The following FMO5 variants were observed in gnomAD, a reference collection of about 807,000 sequenced individuals.
The protein encoded by FMO5 is flavin-containing monooxygenase 5.
Under a neutral mutation model 43.6 loss-of-function variants are expected in FMO5, and 51 were observed. The ratio of observed to expected loss-of-function variants is 1.17; its 90% CI spans 0.93 to 1.48. The LOEUF is 1.48. FMO5 is among the 40% of genes most tolerant of loss of function. FMO5 has a pLI of 0.00. For synonymous variants in FMO5, 187 were observed against 216.5 expected (o/e 0.86, Z 1.20); for missense variants, 644 against 643.0 (o/e 1.00, Z -0.02).
Position 147,215,855 on chromosome 1 carries a change from T to C in FMO5, c.223A>G (p.Ile75Val). Residue 75 changes from isoleucine to valine, a missense_variant, in exon 3 of 9, where the codon ATC (isoleucine) becomes GTC (valine). Coordinates refer to ENST00000254090, the MANE Select transcript of FMO5 (RefSeq NM_001461.4). Reference sequence around the variant, plus strand: ...ATGAAGTTGGGATAATGATCTGGGATTGGATAGTCACTGAAGCACATCATC... The same window carrying C: ...ATGAAGTTGGGATAATGATCTGGGACTGGATAGTCACTGAAGCACATCATC... ...KEMMCFSDYP[I>V]PDHYPNFMHN... is the part of the protein sequence containing the mutation. 1.9e-6 allele frequency: 3 copies of C among 1,613,606 alleles called. No homozygotes were observed. The highest frequency in any genetic ancestry group is 2.5e-6 in the Non-Finnish European group (3 of 1,179,510).
chr1:147,219,439 A>G (rs1412059473), intron 2 of FMO5, among the ~76,000 whole-genome samples: 1 of 152,140 alleles, frequency 6.6e-6, no homozygotes, highest in Non-Finnish European at 1.5e-5. Flanking sequence ...ACACCCATTC[A>G]TGATGAAAAC....
chr1:147,212,706 A>G (rs1661282021), intron 4 of FMO5, among the ~76,000 whole-genome samples, 171 bp from the exon 5 acceptor site: 1 of 152,060 alleles, frequency 6.6e-6, no homozygotes, highest in Non-Finnish European at 1.5e-5. Flanking sequence ...TTCTTTTCCC[A>G]TAGCCTCAGA....
chr1:147,184,652 G>A (rs587772073), downstream of FMO5: 5 of 1,504,710 alleles, frequency 3.3e-6, no homozygotes, highest in Admixed American at 1.2e-4. This position sits in a 1 kb window ranked among gnomAD's most constrained non-coding sequence, Gnocchi z 4.4. Context: ...TTTTTGAGAG[G>A]AATACAACAG....
At chr1:147,194,064 T>C (rs1222894628) in intron 7 of FMO5, among the ~76,000 whole-genome samples, 1 of 152,166 alleles carries the variant, frequency 6.6e-6, no homozygotes, top group Non-Finnish European at 1.5e-5. Context: ...GGTATCCTTG[T>C]TAACCTTCTG....
intron 6 of FMO5, chr1:147,204,211 C>T: frequency 1.4e-6 from 2 of 1,385,372 alleles, no homozygotes; most frequent in Admixed American, 3.3e-5. Context: ...GACAAGAGTA[C>T]ACTGCTATTT....
At chr1:147,190,152 A>G (rs781863966) in intron 8 of FMO5, 25 bp downstream of exon 8, 9 of 1,473,048 alleles carry the variant, frequency 6.1e-6, no homozygotes, top group South Asian at 5.8e-5. Context: ...ATGTAACCAT[A>G]TATCTTCCTG....
At chr1:147,224,295 T>A in intron 2 of FMO5, 1 of 179,870 alleles carries the variant, frequency 5.6e-6, no homozygotes, top group East Asian at 1.5e-4. Flanking sequence ...AATCTGTGGG[T>A]TTGAATCACC....
rs144905896 is a variant in FMO5 at position 147,218,275 on chromosome 1, C to T, written c.136-2333G>A. On this transcript the variant is annotated intron_variant, in intron 2 of 8. Transcript: ENST00000254090. Reference sequence around the variant, plus strand: ...TTTTTGAGATGGAGTCTCACTCTGTCGCCAGGCTGGAGTGCAGTAGCACGA... The same window carrying T: ...TTTTTGAGATGGAGTCTCACTCTGTTGCCAGGCTGGAGTGCAGTAGCACGA... Among the ~76,000 whole-genome samples, 485 of 148,360 alleles carry T rather than the reference C, an allele frequency of 3.3e-3. 4 individuals carry two copies. Among genetic ancestry groups the T allele is most frequent in the African/African-American group, 0.011 (459 of 40,218 alleles).
chr1:147,219,451 C>T (rs1553925797), intron 2 of FMO5, among the ~76,000 whole-genome samples: 1 of 151,980 alleles, frequency 6.6e-6, no homozygotes, highest in African/African-American at 2.4e-5. Flanking sequence ...GATGAAAACT[C>T]TCAGCAAACT....
rs142335408 is a variant in FMO5, at chr1:147,201,380, T to C, written c.955A>G (p.Arg319Gly). 1.3e-3 allele frequency: 2,159 copies of C among 1,614,152 alleles called. 1 individual carries two copies. The highest frequency in any genetic ancestry group is 1.7e-3 in the Non-Finnish European group (2,004 of 1,179,964). Residue 319 changes from arginine to glycine, a missense_variant, in exon 7 of 9, where the codon AGG becomes GGG. Physicochemically the swap from Arg to Gly is moderately radical, Grantham distance 125. Coordinates refer to ENST00000254090, the MANE Select transcript of FMO5 (RefSeq NM_001461.4). ...ETAAIFEDGS[R>G]EDDIDAVIFA... ...ATAACAGCATCAATGTCATCCTCCC[T>C]GGAGCCATCCTCAAATATGGCAGCT...
In FMO5 at chr1:147,213,615, C is replaced by T. The variant is rs998491190; in HGVS notation, c.325-145G>A. The T allele has an allele frequency of 1.2e-5, 8 of 646,110 alleles. No homozygotes were observed. In the South Asian group the frequency reaches 2.6e-4, roughly 21 times the overall value. 40.0% of individuals were successfully genotyped at this position (646,110 alleles called of 1,614,324 possible). A position where few individuals can be genotyped will look rare whatever the true frequency, so the allele number is the denominator to read the frequency against. On this transcript the variant is annotated intron_variant, in intron 3 of 8. Transcript: ENST00000254090. ...GATTTTCATACTCCACAAATAAGAACTGTTTGGGGCTGTAGTCAGAATGAG... is the reference window on the plus strand; with the variant it reads ...GATTTTCATACTCCACAAATAAGAATTGTTTGGGGCTGTAGTCAGAATGAG...
At chr1:147,199,522 A>G (rs1293815897) in intron 7 of FMO5, among the ~76,000 whole-genome samples, 2 of 152,194 alleles carry the variant, frequency 1.3e-5, no homozygotes, top group East Asian at 3.8e-4. Flanking sequence ...ACCATAATGC[A>G]GACTCTTGCA....
At chr1:147,194,367 T>A (rs1657535764) in intron 7 of FMO5, among the ~76,000 whole-genome samples, 1 of 152,188 alleles carries the variant, frequency 6.6e-6, no homozygotes, top group South Asian at 2.1e-4. Flanking sequence ...TTGGTAGATC[T>A]TCCTCCATCC....
At chr1:147,193,577 T>C (rs1657330527) in intron 7 of FMO5, among the ~76,000 whole-genome samples, 1 of 152,154 alleles carries the variant, frequency 6.6e-6, no homozygotes, top group South Asian at 2.1e-4. Context: ...CTTGCTTTTC[T>C]AGTTCTTTTA....
chr1:147,219,611 T>C (rs1351735794), intron 2 of FMO5, among the ~76,000 whole-genome samples: 2 of 151,994 alleles, frequency 1.3e-5, no homozygotes, highest in African/African-American at 4.8e-5. Context: ...CTATGGAACA[T>C]TGCACTAGAA....
chr1:147,206,476 C>A (rs587709681), intron 6 of FMO5, among the ~76,000 whole-genome samples: 16 of 152,224 alleles, frequency 1.1e-4, no homozygotes, highest in African/African-American at 3.6e-4. Flanking sequence ...ATGTTTATTG[C>A]GGCACTATTC....
intron 2 of FMO5, among the ~76,000 whole-genome samples, chr1:147,220,326 T>A (rs587674561): frequency 6.6e-6 from 1 of 152,330 alleles, no homozygotes; most frequent in African/African-American, 2.4e-5. Context: ...GATATTCTGA[T>A]TCATAGACTA....
rs916036504 is a variant in FMO5, at chr1:147,187,049, G to C, written c.1453C>G (p.Arg485Gly). ...VQGPGKWDGA[R>G]KAILTTDDRI... Reference sequence around the variant, plus strand: ...TCATCTGTGGTGAGGATAGCTTTTCGAGCCCCATCCCACTTTCCAGGGCCC... The same window carrying C: ...TCATCTGTGGTGAGGATAGCTTTTCCAGCCCCATCCCACTTTCCAGGGCCC... Residue 485 changes from arginine to glycine, a missense_variant, in exon 9 of 9, where the codon CGA becomes GGA. Coordinates refer to ENST00000254090, the MANE Select transcript of FMO5 (RefSeq NM_001461.4). 3 of 1,614,048 alleles carry C rather than the reference G, an allele frequency of 1.9e-6. No homozygotes were observed. Among genetic ancestry groups the C allele is most frequent in the Admixed American group, 1.7e-5 (1 of 60,000 alleles).
chr1:147,200,697 A>T (rs1658821795), intron 7 of FMO5, among the ~76,000 whole-genome samples: 1 of 152,184 alleles, frequency 6.6e-6, no homozygotes, highest in Non-Finnish European at 1.5e-5. Context: ...CTAGTCTGCA[A>T]CCAGGTCTTA....
Sources: allele counts gnomAD v4.1 joint callset (sites outside exome capture counted in the v4.1 genomes callset), GRCh38; gene constraint gnomAD v4.1.1; non-coding constraint Gnocchi (gnomAD v3.1); transcripts MANE v1.5; gene names NCBI Gene and HGNC (gene_info 2026-07-23, HGNC 2026-07-21).